The following TK1 variants were observed in gnomAD, a reference collection of about 807,000 sequenced individuals.
TK1 encodes thymidine kinase 1.
TK1 carries 13 observed loss-of-function variants against 22.4 expected under a neutral mutation model. The ratio of observed to expected loss-of-function variants is 0.58; its 90% CI spans 0.38 to 0.92. The LOEUF is 0.92. Ranked by LOEUF, TK1 falls within the 40% of genes least tolerant of loss-of-function variation. The pLI, the probability that TK1 is intolerant of heterozygous loss-of-function variation, is 0.00. For missense variants in TK1, 251 were observed against 315.7 expected (o/e 0.80, Z 1.55); for synonymous variants, 134 against 125.4 (o/e 1.07, Z -0.46).
chr17:78,179,531 G>A (rs1251488471), intron 4 of TK1: 12 of 985,318 alleles, frequency 1.2e-5, no homozygotes, highest in Non-Finnish European at 1.3e-5. Context: ...CAGATGCCCC[G>A]CACAGGGGAA....
chr17:78,182,611 A>G lies in TK1; in HGVS notation c.281T>C (p.Ile94Thr), dbSNP rs2075745617. The G allele has an allele frequency of 6.3e-7, 1 of 1,592,694 alleles. No individual in the cohort carries two copies. Among genetic ancestry groups the G allele is most frequent in the African/African-American group, 1.3e-5 (1 of 74,542 alleles). The change falls in exon 4 of 7, where the codon ATA becomes ACA. Residue 94 changes from isoleucine to threonine, a missense_variant. By Grantham distance (89) the Ile-to-Thr change is moderately conservative (BLOSUM62 -1). Coordinates refer to ENST00000301634, the MANE Select transcript of TK1 (RefSeq NM_003258.5). The part of the protein sequence containing the change: ...VAQEALGVAV[I>T]GIDEGQFFPD... The stretch of plus-strand genomic sequence containing the variant: ...TACAAACTGCCCCTCGTCGATGCCT[A>G]TGACAGCCACGCCCAGGGCCTCCTG...
At chr17:78,182,424 C>T (rs1023473799) in intron 4 of TK1, among the ~76,000 whole-genome samples, 165 bp downstream of exon 4, 11 of 150,796 alleles carry the variant, frequency 7.3e-5, no homozygotes, top group African/African-American at 2.7e-4. Flanking sequence ...GACACTATGA[C>T]AGGGAAACTA....
chr17:78,185,024 C>A, intron 3 of TK1, 31 bp downstream of exon 3: 1 of 1,565,274 alleles, frequency 6.4e-7, no homozygotes. Context: ...TGATTTTCCA[C>A]TGGACAGGAC....
intron 4 of TK1, chr17:78,179,900 T>C (rs2075726872): frequency 4.0e-6 from 1 of 252,456 alleles, no homozygotes; most frequent in Non-Finnish European, 6.2e-6. Context: ...TGAAACCCCG[T>C]CTCTACTAAA....
Position 78,186,832 on chromosome 17 carries a change from T to C in TK1, c.67-14A>G. 1 of 1,577,470 alleles carries C rather than the reference T, an allele frequency of 6.3e-7. No homozygotes were observed. Among genetic ancestry groups the C allele is most frequent in the Admixed American group, 1.8e-5 (1 of 55,014 alleles). ...CCCGAGAATCACCTAGGAGAGAAGG[T>C]GAGGTCATTTGAGGGCCCGCCCTGC... On this transcript the variant is annotated splice_polypyrimidine_tract_variant and intron_variant, in intron 1 of 6. Coordinates refer to ENST00000301634, the MANE Select transcript of TK1 (RefSeq NM_003258.5).
chr17:78,185,219 G>T, intron 2 of TK1, 54 bp from the exon 3 acceptor site: 1 of 1,401,404 alleles, frequency 7.1e-7, no homozygotes, highest in South Asian at 1.2e-5. Flanking sequence ...GTGGGAGAAG[G>T]AGACCCCTCC....
At chr17:78,187,178 C>T (rs533105613), upstream of TK1, 7 of 891,494 alleles carry the variant, frequency 7.9e-6, no homozygotes, top group South Asian at 4.4e-5. Flanking sequence ...AGCCCGCCCC[C>T]TCGTGGGAGG....
At chr17:78,178,014 G>A (rs1441663037) in intron 4 of TK1, among the ~76,000 whole-genome samples, 1 of 152,060 alleles carries the variant, frequency 6.6e-6, no homozygotes, top group East Asian at 1.9e-4. Flanking sequence ...GGAATTACAG[G>A]TGTGTGCCAC....
chr17:78,180,925 A>T (rs917463036), intron 4 of TK1, among the ~76,000 whole-genome samples: 6 of 152,166 alleles, frequency 3.9e-5, no homozygotes, highest in Admixed American at 2.6e-4. Context: ...CTGAGCAAAA[A>T]CACAATGACC....
intron 3 of TK1, among the ~76,000 whole-genome samples, chr17:78,182,971 C>T (rs371691152): frequency 7.9e-5 from 12 of 152,196 alleles, no homozygotes; most frequent in African/African-American, 2.2e-4. Context: ...GGGTCTCAAG[C>T]GATTCTCCCA....
chr17:78,183,140 C>A (rs1482379616), intron 3 of TK1, among the ~76,000 whole-genome samples: 1 of 152,030 alleles, frequency 6.6e-6, no homozygotes, highest in Admixed American at 6.6e-5. Flanking sequence ...AGAGGAAAAC[C>A]AGTTATTTAT....
At chr17:78,184,997 G>A (rs2075770733) in intron 3 of TK1, 58 bp downstream of exon 3, 1 of 1,293,594 alleles carries the variant, frequency 7.7e-7, no homozygotes, top group South Asian at 1.2e-5. Flanking sequence ...AGTCCTAACA[G>A]TGTGTCCTGT....
At chr17:78,179,793 G>A in intron 4 of TK1, 2 of 978,694 alleles carry the variant, frequency 2.0e-6, no homozygotes, top group Non-Finnish European at 2.4e-6. Flanking sequence ...AGTGTGGCCA[G>A]GCGTGGTGGC....
Position 78,182,651 on chromosome 17 carries a change from G to A in TK1, c.241C>T (p.Leu81Phe). 1.3e-6 allele frequency: 2 copies of A among 1,594,942 alleles called. No individual in the cohort carries two copies. The highest frequency in any genetic ancestry group is 1.3e-5 in the African/African-American group (1 of 74,778). ...AGGGCCTCCTGGGCCACGTCTCGGA[G>A]CAGGCAGGCGGGCAGTGCCTCCATG... ...NTMEALPACLLRDVAQEALGV... is the reference protein window; with the variant it reads ...NTMEALPACLFRDVAQEALGV... The change falls in exon 4 of 7, where the codon CTC (leucine) becomes TTC (phenylalanine). Residue 81 changes from leucine (L) to phenylalanine (F), a missense_variant. By Grantham distance (22) the Leu-to-Phe change is conservative (BLOSUM62 0). Transcript: ENST00000301634.
chr17:78,175,954 T>C (rs2075696590), intron 4 of TK1, among the ~76,000 whole-genome samples: 1 of 152,198 alleles, frequency 6.6e-6, no homozygotes, highest in Non-Finnish European at 1.5e-5. Context: ...CGGACACCAC[T>C]CTTCGCTGGA....
At chr17:78,185,502 G>C (rs1265222891) in intron 2 of TK1, among the ~76,000 whole-genome samples, 5 of 151,684 alleles carry the variant, frequency 3.3e-5, no homozygotes, top group Non-Finnish European at 7.3e-5. Context: ...CCTCATCCCA[G>C]AGTTGTTCCC....
intron 4 of TK1, among the ~76,000 whole-genome samples, chr17:78,181,453 G>A (rs981619996): frequency 8.6e-5 from 13 of 150,916 alleles, no homozygotes; most frequent in South Asian, 4.2e-4. Context: ...TGGGAAAATC[G>A]CTTGAATCCG....
At chr17:78,180,833 G>T (rs2075732859) in intron 4 of TK1, among the ~76,000 whole-genome samples, 1 of 152,174 alleles carries the variant, frequency 6.6e-6, no homozygotes, top group African/African-American at 2.4e-5. Context: ...ATGAAACAAA[G>T]CTTCCCCTAC....
At chr17:78,178,360 G>C (rs74362686) in intron 4 of TK1, among the ~76,000 whole-genome samples, 71 of 152,292 alleles carry the variant, frequency 4.7e-4, no homozygotes, top group African/African-American at 1.6e-3. Context: ...GATGCCAACA[G>C]TTTCTACAGA....
Sources: allele counts gnomAD v4.1 joint callset (sites outside exome capture counted in the v4.1 genomes callset), GRCh38; gene constraint gnomAD v4.1.1; transcripts MANE v1.5; gene names NCBI Gene and HGNC (gene_info 2026-07-23, HGNC 2026-07-21).